The following TRIM9 variants were observed in gnomAD, a reference collection of about 807,000 sequenced individuals.
TRIM9 encodes E3 ubiquitin-protein ligase TRIM9.
In TRIM9, 26 loss-of-function variants were observed where a neutral mutation model predicts 78.3. That is an observed-to-expected ratio of 0.33 (90% CI 0.24 to 0.46). TRIM9 has a LOEUF of 0.46. Ranked by LOEUF, TRIM9 falls within the 20% of genes least tolerant of loss-of-function variation. TRIM9 has a pLI of 1.00. For missense variants in TRIM9, 787 were observed against 1,036.4 expected, an observed-to-expected ratio of 0.76 and a Z score of 3.30; for synonymous variants, 398 against 416.5, an observed-to-expected ratio of 0.96 and a Z score of 0.54.
In TRIM9 at chr14:51,094,115, C is replaced by T; in HGVS notation, c.822+3G>A. ...GTTAGGAGTGGGTTTTCTTAGGACT[C>T]ACCTTATGTAGTTTCCACATGGCCC... On this transcript the variant is annotated splice_donor_region_variant and intron_variant, in intron 1 of 12. Transcript: ENST00000684578. 6.2e-7 allele frequency: 1 copy of T among 1,606,642 alleles called. No homozygotes were observed. The highest frequency in any genetic ancestry group is 8.5e-7 in the Non-Finnish European group (1 of 1,174,232).
chr14:50,996,852 A>G, intron 7 of TRIM9: 2 of 985,460 alleles, frequency 2.0e-6, no homozygotes, highest in Non-Finnish European at 2.4e-6. Context: ...TTGGAATAGC[A>G]TCACTTAGAC....
intron 1 of TRIM9, among the ~76,000 whole-genome samples, chr14:51,047,855 G>A (rs1240525499): frequency 6.6e-6 from 1 of 151,812 alleles, no homozygotes; most frequent in African/African-American, 2.4e-5. Context: ...TCCATTTTTA[G>A]TATAAATATT....
chr14:51,036,672 A>AT (rs915944461), intron 1 of TRIM9, among the ~76,000 whole-genome samples: 31 of 152,242 alleles, frequency 2.0e-4, no homozygotes, highest in African/African-American at 6.7e-4. Flanking sequence ...AGGCTCAATT[A>AT]TTTTTTTCTC....
chr14:51,092,649 T>C (rs182503594), intron 1 of TRIM9, among the ~76,000 whole-genome samples: 1 of 152,246 alleles, frequency 6.6e-6, no homozygotes, highest in Admixed American at 6.5e-5. Context: ...ACTAAATGGA[T>C]CATTTAAAAA....
chr14:51,049,317 A>G (rs1288138372), intron 1 of TRIM9, among the ~76,000 whole-genome samples: 1 of 152,132 alleles, frequency 6.6e-6, no homozygotes, highest in African/African-American at 2.4e-5. Flanking sequence ...AGATTATACC[A>G]GGTCTCACTG....
intron 1 of TRIM9, among the ~76,000 whole-genome samples, chr14:51,085,640 T>A (rs2140335879): frequency 6.6e-6 from 1 of 152,370 alleles, no homozygotes; most frequent in Admixed American, 6.5e-5. Context: ...ACATGTTTTG[T>A]GTTTTCAAAA....
intron 11 of TRIM9, among the ~76,000 whole-genome samples, chr14:50,980,306 T>C (rs2051692897): frequency 1.3e-5 from 2 of 152,352 alleles, no homozygotes; most frequent in South Asian, 2.1e-4. Context: ...TTGTGTCTTA[T>C]GCTTCAATTG....
intron 1 of TRIM9, among the ~76,000 whole-genome samples, chr14:51,055,265 GA>G (rs2060808849): frequency 6.6e-6 from 1 of 152,140 alleles, no homozygotes; most frequent in Admixed American, 6.5e-5. Context: ...ATTGAAACAT[GA>G]AAAAATGTTT....
At chr14:51,055,678 T>C (rs11626717) in intron 1 of TRIM9, among the ~76,000 whole-genome samples, 71,964 of 152,032 alleles carry the variant, frequency 0.47, 17,343 homozygotes, top group Middle Eastern at 0.54. Flanking sequence ...CCTAGAGCAT[T>C]CAGCTCTACT....
chr14:50,985,071 G>A (rs1390795758), intron 8 of TRIM9, among the ~76,000 whole-genome samples: 4 of 152,220 alleles, frequency 2.6e-5, no homozygotes, highest in Non-Finnish European at 4.4e-5. Context: ...AATATGAAAT[G>A]TGCATCATGT....
intron 1 of TRIM9, among the ~76,000 whole-genome samples, chr14:51,062,506 A>C (rs893500538): frequency 2.6e-4 from 39 of 152,232 alleles, no homozygotes; most frequent in African/African-American, 9.2e-4. Context: ...TAGATATTTG[A>C]AAACTATTTG....
chr14:51,051,259 G>A (rs535602269), intron 1 of TRIM9, among the ~76,000 whole-genome samples: 1 of 152,294 alleles, frequency 6.6e-6, no homozygotes, highest in Non-Finnish European at 1.5e-5. Context: ...AAGAAAGGAA[G>A]AGAACAGTGA....
chr14:51,046,915 T>C (rs984225011), intron 1 of TRIM9, among the ~76,000 whole-genome samples: 4 of 152,216 alleles, frequency 2.6e-5, no homozygotes, highest in African/African-American at 9.6e-5. Context: ...TCTTATTATA[T>C]GAACATTATA....
intron 1 of TRIM9, among the ~76,000 whole-genome samples, chr14:51,026,324 G>T (rs779905287): frequency 2.0e-5 from 3 of 152,140 alleles, no homozygotes; most frequent in Non-Finnish European, 4.4e-5. Flanking sequence ...GCATCTTTGA[G>T]CAGCTGAGTC....
At chr14:50,999,863 G>C (rs12434118) in intron 6 of TRIM9, among the ~76,000 whole-genome samples, 44,311 of 152,026 alleles carry the variant, frequency 0.29, 6,637 homozygotes, top group South Asian at 0.5. Context: ...CTGTATGAGA[G>C]AAGCAGACAC....
intron 1 of TRIM9, among the ~76,000 whole-genome samples, chr14:51,086,257 A>G (rs1221320566): frequency 6.6e-6 from 1 of 152,114 alleles, no homozygotes; most frequent in Non-Finnish European, 1.5e-5. Context: ...TCAAACTCTG[A>G]CCCTGCCAAT....
Position 50,979,559 on chromosome 14 carries a change from A to G in TRIM9, c.2163-10T>C. 6.2e-7 allele frequency: 1 copy of G among 1,611,230 alleles called. No individual in the cohort carries two copies. Among genetic ancestry groups the G allele is most frequent in the Non-Finnish European group, 8.5e-7 (1 of 1,178,286 alleles). ...GATCCCTCCCTCAGTTCTGTAGGAAAAGAGAAAAATTGGGGTTCATTTCCT... is the reference window on the plus strand; with the variant it reads ...GATCCCTCCCTCAGTTCTGTAGGAAGAGAGAAAAATTGGGGTTCATTTCCT... On this transcript the variant is annotated splice_polypyrimidine_tract_variant and intron_variant, in intron 11 of 12. Coordinates refer to ENST00000684578, the MANE Select transcript of TRIM9 (RefSeq NM_001387360.1).
Position 51,094,537 on chromosome 14 carries a change from G to A in TRIM9, c.403C>T (p.Leu135Phe), listed in dbSNP as rs1215318137. ...CITCPQCHRSLILDDRGLRGF... is the reference protein window; with the variant it reads ...CITCPQCHRSFILDDRGLRGF... ...CGGAGCCCCCGGTCATCCAGGATGA[G>A]GCTGCGGTGACACTGGGGGCAGGTG... is the stretch of plus-strand genomic sequence containing the variant. Residue 135 changes from leucine to phenylalanine, a missense_variant, in exon 1 of 13, where the codon CTC becomes TTC. This residue lies in a region of TRIM9 where 352 missense variants were observed against 472.3 expected (regional missense o/e 0.75). Coordinates refer to ENST00000684578, the MANE Select transcript of TRIM9 (RefSeq NM_001387360.1). 1 of 1,613,388 alleles carries A rather than the reference G, an allele frequency of 6.2e-7. No individual in the cohort carries two copies. The highest frequency in any genetic ancestry group is 1.7e-5 in the Admixed American group (1 of 59,992).
At chr14:51,015,981 A>G (rs2057143572) in intron 3 of TRIM9, among the ~76,000 whole-genome samples, 1 of 152,142 alleles carries the variant, frequency 6.6e-6, no homozygotes, top group South Asian at 2.1e-4. Context: ...GCATAAGGTA[A>G]TCCTTTAATC....
Sources: gnomAD v4.1 joint callset for allele counts (sites outside exome capture counted in the v4.1 genomes callset) on GRCh38, gnomAD v4.1.1 for gene constraint, gnomAD v4.1.1 regional missense constraint, MANE v1.5 for transcripts, NCBI Gene and HGNC (gene_info 2026-07-23, HGNC 2026-07-21) for gene names.